RGS12: variants seen among roughly 807,000 people sequenced by gnomAD.
The protein encoded by RGS12 is regulator of G-protein signaling 12.
Under a neutral mutation model 120.1 loss-of-function variants are expected in RGS12, and 66 were observed. The observed-to-expected ratio is 0.55, with a 90% confidence interval of 0.45 to 0.67. The LOEUF is 0.67. Ranked by LOEUF, RGS12 falls within the 30% of genes least tolerant of loss-of-function variation. RGS12 has a pLI of 0.00. For missense variants in RGS12, 1,859 were observed against 1,957.7 expected, an observed-to-expected ratio of 0.95 and a Z score of 0.95; for synonymous variants, 827 against 804.7, an observed-to-expected ratio of 1.03 and a Z score of -0.47.
intron 17 of RGS12, among the ~76,000 whole-genome samples, chr4:3,432,599 G>A (rs1724423428): frequency 6.6e-6 from 1 of 152,250 alleles, no homozygotes; most frequent in East Asian, 1.9e-4. Flanking sequence ...GCACAGAGGT[G>A]GTTTACAGCG....
rs538848406 is a variant in RGS12 at position 3,374,372 on chromosome 4, G to C, written c.1999-12044G>C. 1.7e-3 allele frequency among the ~76,000 whole-genome samples: 254 copies of C among 152,248 alleles called. 1 individual carries two copies. The highest frequency in any genetic ancestry group is 5.7e-3 in the African/African-American group (238 of 41,534). On this transcript the variant is annotated intron_variant, in intron 3 of 17. Transcript: ENST00000336727. This position sits in a 1 kb window ranked among gnomAD's most constrained non-coding sequence, Gnocchi z 6.3. ...GGAGGCCTAGGCTGGGCGGGGACCGGTCTCCTTCCGCCACCACCTTCCACG... is the reference window on the plus strand; with the variant it reads ...GGAGGCCTAGGCTGGGCGGGGACCGCTCTCCTTCCGCCACCACCTTCCACG...
the RGS12 span, among the ~76,000 whole-genome samples, chr4:3,286,623 G>A: frequency 2.0e-5 from 3 of 152,184 alleles, no homozygotes; most frequent in Admixed American, 6.5e-5. Flanking sequence ...CCTCCCTCCC[G>A]CAGGTGGATG....
At chr4:3,356,991 C>T (rs1714958106) in intron 3 of RGS12, among the ~76,000 whole-genome samples, 2 of 152,154 alleles carry the variant, frequency 1.3e-5, no homozygotes, top group Admixed American at 1.3e-4. Context: ...AGTGGCTGCA[C>T]CACTGGATAT....
At chr4:3,344,994 G>A (rs1560102654) in intron 3 of RGS12, among the ~76,000 whole-genome samples, 1 of 152,220 alleles carries the variant, frequency 6.6e-6, no homozygotes, top group South Asian at 2.1e-4. Flanking sequence ...AAGGCTCTCT[G>A]TAAGAAAACG....
At chr4:3,413,242 G>A (rs962107264) in intron 4 of RGS12, 3 of 152,220 alleles carry the variant, frequency 2.0e-5, no homozygotes, top group Admixed American at 6.5e-5. Context: ...GGTGATGAAC[G>A]GGGATTTCCT....
At chr4:3,305,388 C>T (rs529171547) in intron 1 of RGS12, among the ~76,000 whole-genome samples, 1 of 152,310 alleles carries the variant, frequency 6.6e-6, no homozygotes, top group Non-Finnish European at 1.5e-5. Flanking sequence ...ATTCATGTCC[C>T]TCCCATGTAC....
Position 3,317,619 on chromosome 4 carries a change from C to A in RGS12, c.1449C>A (p.Ser483Arg). The A allele has an allele frequency of 1.9e-6, 3 of 1,585,074 alleles. No homozygotes were observed. Among genetic ancestry groups the A allele is most frequent in the Non-Finnish European group, 2.6e-6 (3 of 1,164,436 alleles). The stretch of plus-strand genomic sequence containing the variant: ...CCTTCTGTCCGGACCCCGAAGGGAG[C>A]CCCCCATTTGAGGCCGCTCATCAGA... ...TGPFCPDPEG[S>R]PPFEAAHQTD... Residue 483 changes from serine to arginine, a missense_variant, in exon 2 of 18, where the codon AGC (serine) becomes AGA (arginine). Ser to Arg is a moderately radical substitution (Grantham distance 110). Around this residue, in one of 3 missense-constraint regions of RGS12, gnomAD observed 967 missense variants for 994.2 expected, o/e 0.97. Transcript: ENST00000336727.
At chr4:3,288,396 C>T (rs1239070192), upstream of RGS12, among the ~76,000 whole-genome samples, 1 of 152,156 alleles carries the variant, frequency 6.6e-6, no homozygotes, top group Non-Finnish European at 1.5e-5. This position sits in a 1 kb window ranked among gnomAD's most constrained non-coding sequence, Gnocchi z 5.2. Context: ...GCCACCAGCA[C>T]TCCCCTCTGG....
At chr4:3,370,158 C>A in intron 3 of RGS12, 1 of 1,556,398 alleles carries the variant, frequency 6.4e-7, no homozygotes, top group South Asian at 1.2e-5. Flanking sequence ...ACGAAGGGAG[C>A]GAGAGGGAAC....
chr4:3,332,466 A>G (rs951194074), intron 2 of RGS12, among the ~76,000 whole-genome samples: 5 of 152,222 alleles, frequency 3.3e-5, no homozygotes, highest in African/African-American at 1.2e-4. Context: ...GCCACTAAAG[A>G]ATTACTCATA....
chr4:3,413,461 T>C (rs1721977819), intron 4 of RGS12: 1 of 152,290 alleles, frequency 6.6e-6, no homozygotes, highest in Non-Finnish European at 1.5e-5. Context: ...GAGTTTCGTG[T>C]TGAGAAGGAG....
At position 3,414,082 on chromosome 4, in the gene RGS12, C is replaced by A; in HGVS notation, c.2031C>A (p.Gly677=). The change falls in exon 5 of 18, where the codon GGC becomes GGA. Residue 677 remains glycine, a synonymous_variant. Coordinates refer to ENST00000336727, the MANE Select transcript of RGS12 (RefSeq NM_001394154.1). ...GTGCTGGTCCCGCAGAGTTGACGGGCGCCGACCTGAAGGACTGCGTCAGCA... is the reference window on the plus strand; with the variant it reads ...GTGCTGGTCCCGCAGAGTTGACGGGAGCCGACCTGAAGGACTGCGTCAGCA... The part of the protein sequence containing the change: ...SATVSDGELT[G]ADLKDCVSNN... 1.3e-6 allele frequency: 2 copies of A among 1,562,572 alleles called. No homozygotes were observed. The highest frequency in any genetic ancestry group is 1.8e-5 in the Admixed American group (1 of 56,258).
rs1468953719 is a variant in RGS12, at chr4:3,390,115, A to G, written c.2020+3678A>G. ...AGCCCCTGCACTGGACCCCTCCACC[A>G]GCTCAGAGCCCCTGTTCCCCCAACC... On this transcript the variant is annotated intron_variant, in intron 4 of 17. Coordinates refer to ENST00000336727, the MANE Select transcript of RGS12 (RefSeq NM_001394154.1). This position sits in a 1 kb window ranked among gnomAD's most constrained non-coding sequence, Gnocchi z 4.6. Among the ~76,000 whole-genome samples, 1 of 152,050 alleles carries G rather than the reference A, an allele frequency of 6.6e-6. No homozygotes were observed. Among genetic ancestry groups the G allele is most frequent in the Non-Finnish European group, 1.5e-5 (1 of 68,008 alleles).
In RGS12 at chr4:3,316,746, C is replaced by T. The variant is rs905013678; in HGVS notation, c.576C>T (p.Asn192=). The change falls in exon 2 of 18, where the codon AAC becomes AAT. Residue 192 remains asparagine, a synonymous_variant. Coordinates refer to ENST00000336727, the MANE Select transcript of RGS12 (RefSeq NM_001394154.1). ...AAAGTATAAATAATCCAAATCCCAA[C>T]ATGCTTTCTAAGGAGGAAATATCAA... ...GHESINNPNP[N]MLSKEEISKV... is the part of the protein sequence containing the mutation. 1 of 1,614,214 alleles carries T rather than the reference C, an allele frequency of 6.2e-7. No individual in the cohort carries two copies. The highest frequency in any genetic ancestry group is 8.5e-7 in the Non-Finnish European group (1 of 1,180,030).
intron 3 of RGS12, among the ~76,000 whole-genome samples, chr4:3,345,095 A>C (rs1713671601): frequency 6.6e-6 from 1 of 152,366 alleles, no homozygotes; most frequent in East Asian, 1.9e-4. Flanking sequence ...GAAAGACAGC[A>C]GTTTTTCAAG....
chr4:3,427,112 G>T (rs757984477), intron 14 of RGS12, among the ~76,000 whole-genome samples: 1 of 152,132 alleles, frequency 6.6e-6, no homozygotes, highest in East Asian at 1.9e-4. Context: ...ACCCTTCCCC[G>T]AGCCCACCCT....
rs554431840 is a variant in RGS12, at chr4:3,438,513, G to C, written c.4115-942G>C. 3.9e-5 allele frequency among the ~76,000 whole-genome samples: 6 copies of C among 152,222 alleles called. No homozygotes were observed. In the South Asian group the frequency reaches 1.0e-3, roughly 26 times the overall value. ...CCAGGCCCTGGGGTCCTGCCATGGA[G>C]CTCCGGGCGGCACATGAACCCAGCC... On this transcript the variant is annotated intron_variant, in intron 17 of 17. Coordinates refer to ENST00000336727, the MANE Select transcript of RGS12 (RefSeq NM_001394154.1).
At chr4:3,309,139 G>A in intron 1 of RGS12, among the ~76,000 whole-genome samples, 1 of 73,032 alleles carries the variant, frequency 1.4e-5, no homozygotes, top group Non-Finnish European at 2.7e-5. Context: ...CTCGGGAATG[G>A]CAGGTGTCTG....
chr4:3,350,696 C>CA (rs1553804495), intron 3 of RGS12, among the ~76,000 whole-genome samples: 20 of 145,258 alleles, frequency 1.4e-4, no homozygotes, highest in African/African-American at 3.0e-4. Context: ...AAACAAAAAA[C>CA]AAAAAAAACA....
Sources: allele counts gnomAD v4.1 joint callset (sites outside exome capture counted in the v4.1 genomes callset), GRCh38; gene constraint gnomAD v4.1.1; regional missense constraint gnomAD v4.1.1; non-coding constraint Gnocchi (gnomAD v3.1); transcripts MANE v1.5; gene names NCBI Gene and HGNC (gene_info 2026-07-23, HGNC 2026-07-21).